Variants in KRABD3 observed in about 807,000 individuals in gnomAD.
KRABD3 encodes the protein KRAB domain-containing protein 3.
the KRABD3 span, among the ~76,000 whole-genome samples, chr7:149,715,676 G>A: frequency 5.3e-5 from 8 of 152,302 alleles, no homozygotes; most frequent in Non-Finnish European, 8.8e-5. Context: ...AACCGTGGTG[G>A]CTCCTGAGCT....
chr7:149,724,662 C>T, the KRABD3 span: 16 of 1,536,396 alleles, frequency 1.0e-5, no homozygotes, highest in Non-Finnish European at 1.3e-5. Flanking sequence ...GGCCTGGATA[C>T]CTCCTGACCC....
the KRABD3 span, chr7:149,728,823 C>T: frequency 3.4e-6 from 3 of 885,914 alleles, no homozygotes; most frequent in African/African-American, 5.1e-5. Flanking sequence ...GCCAGAAAGC[C>T]AGATAGTCTG....
At chr7:149,721,524 C>G in the KRABD3 span, 2 of 1,611,470 alleles carry the variant, frequency 1.2e-6, no homozygotes, top group Non-Finnish European at 1.7e-6. Context: ...CAGGGAAGTC[C>G]TCTCCCCATC....
the KRABD3 span, chr7:149,734,449 A>C: frequency 5.3e-6 from 1 of 187,540 alleles, no homozygotes; most frequent in Non-Finnish European, 1.1e-5. Flanking sequence ...GGAGCCTTGA[A>C]GGGCTGGGCT....
the KRABD3 span, chr7:149,723,925 A>G: frequency 1.9e-6 from 3 of 1,608,006 alleles, no homozygotes; most frequent in Non-Finnish European, 2.5e-6. Flanking sequence ...GGGCCCCCAG[A>G]CATCCTACAT....
chr7:149,719,547 T>C, the KRABD3 span: 2 of 1,576,170 alleles, frequency 1.3e-6, no homozygotes, highest in South Asian at 2.3e-5. The surrounding 1 kb of genome is among the most constrained non-coding windows in gnomAD (Gnocchi z 5.6). Flanking sequence ...TGCCTGCAGG[T>C]GTCCATCACC....
the KRABD3 span, chr7:149,719,713 T>A: frequency 6.3e-7 from 1 of 1,578,060 alleles, no homozygotes; most frequent in Non-Finnish European, 8.6e-7. The surrounding 1 kb of genome is among the most constrained non-coding windows in gnomAD (Gnocchi z 5.6). Flanking sequence ...AGGAGCCTGG[T>A]GGGCGGTGGA....
chr7:149,730,179 C>T, the KRABD3 span: 2 of 1,569,202 alleles, frequency 1.3e-6, no homozygotes, highest in Non-Finnish European at 1.7e-6. Flanking sequence ...GCTGCACTGC[C>T]TGGAGAGCGC....
chr7:149,721,615 G>T, the KRABD3 span: 2 of 1,479,948 alleles, frequency 1.4e-6, no homozygotes, highest in Non-Finnish European at 9.2e-7. Context: ...TGGACCCTGT[G>T]CCCTCTTCAT....
chr7:149,733,655 C>T, the KRABD3 span: 5 of 1,588,724 alleles, frequency 3.1e-6, no homozygotes, highest in South Asian at 4.6e-5. Context: ...TGGTGACCTG[C>T]AAGGACTCTC....
the KRABD3 span, chr7:149,725,552 A>G: frequency 2.1e-6 from 3 of 1,460,204 alleles, no homozygotes; most frequent in South Asian, 2.6e-5. Context: ...GCAGATGCTG[A>G]GGACTGTCGG....
At chr7:149,733,330 A>T in the KRABD3 span, 1 of 1,612,418 alleles carries the variant, frequency 6.2e-7, no homozygotes, top group Non-Finnish European at 8.5e-7. Context: ...TGCAGCCGCC[A>T]TGCCACTGTG....
At chr7:149,733,582 G>A in the KRABD3 span, 1 of 1,599,434 alleles carries the variant, frequency 6.3e-7, no homozygotes, top group South Asian at 1.1e-5. Flanking sequence ...CCTACTGGAG[G>A]CAGAAGGGAC....
chr7:149,725,481 C>A, the KRABD3 span: 1 of 1,606,120 alleles, frequency 6.2e-7, no homozygotes, highest in Non-Finnish European at 8.5e-7. Flanking sequence ...ACAGATCACA[C>A]AGTGAAGGTA....
the KRABD3 span, among the ~76,000 whole-genome samples, chr7:149,715,566 G>C: frequency 1.3e-5 from 2 of 152,116 alleles, no homozygotes; most frequent in African/African-American, 2.4e-5. Context: ...GACGATGCTG[G>C]GAAACTCTGG....
the KRABD3 span, among the ~76,000 whole-genome samples, chr7:149,716,964 G>T: frequency 6.6e-6 from 1 of 152,160 alleles, no homozygotes; most frequent in African/African-American, 2.4e-5. Flanking sequence ...GGTTAGGTTT[G>T]GCTGAGGTCT....
At chr7:149,728,499 TC>T in the KRABD3 span, 1 of 1,610,942 alleles carries the variant, frequency 6.2e-7, no homozygotes, top group East Asian at 2.2e-5. Flanking sequence ...GTCCCCCTCA[TC>T]TGTGAATGTT....
the KRABD3 span, chr7:149,719,446 T>G: frequency 8.0e-7 from 1 of 1,254,626 alleles, no homozygotes; most frequent in Non-Finnish European, 1.1e-6. This position sits in a 1 kb window ranked among gnomAD's most constrained non-coding sequence, Gnocchi z 5.6. Context: ...TATCCTGGAG[T>G]GTGCGCCTGG....
chr7:149,722,293 C>T, the KRABD3 span: 1 of 1,313,576 alleles, frequency 7.6e-7, no homozygotes, highest in Non-Finnish European at 1.1e-6. Context: ...CGGTAAAGGC[C>T]CTCAGCCCAC....
Sources: allele counts gnomAD v4.1 joint callset (sites outside exome capture counted in the v4.1 genomes callset), GRCh38; gene constraint gnomAD v4.1.1; non-coding constraint Gnocchi (gnomAD v3.1); transcripts MANE v1.5; gene names NCBI Gene and HGNC (gene_info 2026-07-23, HGNC 2026-07-21).